The following PATJ variants were observed in gnomAD, a reference collection of about 807,000 sequenced individuals.
PATJ encodes the protein inaD-like protein.
In PATJ, 190 loss-of-function variants were observed where a neutral mutation model predicts 224.9. The ratio of observed to expected loss-of-function variants is 0.84; its 90% CI spans 0.75 to 0.95. PATJ has a LOEUF of 0.95. Ranked by LOEUF, PATJ falls within the 40% of genes least tolerant of loss-of-function variation. The pLI, the probability that PATJ is intolerant of heterozygous loss-of-function variation, is 0.00. For synonymous variants in PATJ, 769 were observed against 820.3 expected (o/e 0.94, Z 1.07); for missense variants, 2,121 against 2,270.3 (o/e 0.93, Z 1.34).
At chr1:61,930,008 G>A (rs1347546401) in intron 27 of PATJ, among the ~76,000 whole-genome samples, 2 of 152,180 alleles carry the variant, frequency 1.3e-5, no homozygotes, top group African/African-American at 4.8e-5. Context: ...GGGTCAGGAA[G>A]GAGGCTAATT....
At chr1:61,803,745 G>GT (rs780765973) in intron 12 of PATJ, among the ~76,000 whole-genome samples, 201 of 152,160 alleles carry the variant, frequency 1.3e-3, no homozygotes, top group Non-Finnish European at 2.3e-3. Context: ...ACTTCACTAC[G>GT]TTTTTTTCTT....
intron 41 of PATJ, among the ~76,000 whole-genome samples, chr1:62,139,122 C>T (rs566291417): frequency 3.4e-4 from 51 of 152,052 alleles, no homozygotes; most frequent in African/African-American, 1.1e-3. Flanking sequence ...GCAAACTGGC[C>T]GGGCACGGTG....
chr1:61,766,424 C>T lies in PATJ; in HGVS notation c.335C>T (p.Pro112Leu), dbSNP rs779407233. 8.7e-6 allele frequency: 14 copies of T among 1,609,376 alleles called. No homozygotes were observed. The Admixed American group carries it at 1.0e-4, about 12-fold the overall frequency. The change falls in exon 4 of 44, where the codon CCG (proline) becomes CTG (leucine). Residue 112 changes from proline to leucine, a missense_variant. Transcript: ENST00000642238. ...STVSGLFPWT[P>L]KLGNEDFNSV... ...GTATCTGGGTTATTTCCGTGGACCC[C>T]GAAGTTGGGAAATGAAGACTTTAAC...
At chr1:61,861,723 T>C (rs1664649925) in intron 19 of PATJ, 56 bp downstream of exon 19, 1 of 735,652 alleles carries the variant, frequency 1.4e-6, no homozygotes, top group East Asian at 2.9e-5. Flanking sequence ...AAAATTTCTA[T>C]GTAGAAAGAA....
At chr1:62,106,135 C>CGT (rs1558176269) in intron 33 of PATJ, among the ~76,000 whole-genome samples, 1 of 50,794 alleles carries the variant, frequency 2.0e-5, no homozygotes, top group African/African-American at 6.8e-5. Context: ...CACATATATA[C>CGT]ATGTGTATAT....
chr1:61,801,865 C>A, intron 12 of PATJ, 96 bp downstream of exon 12: 2 of 827,428 alleles, frequency 2.4e-6, no homozygotes, highest in Non-Finnish European at 1.7e-6. Context: ...ATCTTAGAGG[C>A]ATTTTGGAGA....
intron 33 of PATJ, among the ~76,000 whole-genome samples, chr1:62,101,311 T>C (rs1010991972): frequency 1.3e-5 from 2 of 149,068 alleles, no homozygotes; most frequent in African/African-American, 4.9e-5. Context: ...TCACCCAGGC[T>C]GGAGTGCAGT....
chr1:62,016,212 G>A (rs1413361033), intron 28 of PATJ, among the ~76,000 whole-genome samples: 2 of 152,156 alleles, frequency 1.3e-5, no homozygotes, highest in African/African-American at 4.8e-5. Context: ...CTTAGGAAAG[G>A]TGATGGAAGG....
intron 27 of PATJ, among the ~76,000 whole-genome samples, chr1:61,936,022 G>A (rs926503681): frequency 1.3e-5 from 2 of 151,882 alleles, no homozygotes; most frequent in African/African-American, 4.8e-5. Flanking sequence ...CAACTTTATT[G>A]AGATATAATT....
At chr1:61,948,400 A>G (rs1679092412) in intron 27 of PATJ, among the ~76,000 whole-genome samples, 1 of 152,230 alleles carries the variant, frequency 6.6e-6, no homozygotes, top group African/African-American at 2.4e-5. Context: ...AAAAGTGGGC[A>G]AAGGATATGG....
intron 29 of PATJ, among the ~76,000 whole-genome samples, chr1:62,032,602 A>G (rs1404476204): frequency 6.6e-6 from 1 of 152,206 alleles, no homozygotes; most frequent in African/African-American, 2.4e-5. Flanking sequence ...TGTGAGTTTC[A>G]TTTTTATAAC....
intron 14 of PATJ, among the ~76,000 whole-genome samples, chr1:61,821,480 G>A (rs531929014): frequency 2.0e-5 from 3 of 152,310 alleles, no homozygotes; most frequent in Admixed American, 2.0e-4. Context: ...TCCCTCATGT[G>A]CGTGTTGAGG....
intron 21 of PATJ, among the ~76,000 whole-genome samples, chr1:61,879,494 C>T (rs1462626587): frequency 2.0e-5 from 3 of 152,084 alleles, no homozygotes; most frequent in Admixed American, 1.3e-4. Flanking sequence ...CCTAACTGCC[C>T]ACTTCTAAGA....
At chr1:62,149,488 A>G (rs1014887171) in intron 42 of PATJ, among the ~76,000 whole-genome samples, 6 of 152,294 alleles carry the variant, frequency 3.9e-5, no homozygotes, top group Admixed American at 6.5e-5. Context: ...TCTTGAGGAA[A>G]GAATATTAAA....
chr1:62,052,967 C>T (rs1203558375), intron 31 of PATJ, among the ~76,000 whole-genome samples: 2 of 152,168 alleles, frequency 1.3e-5, no homozygotes, highest in Non-Finnish European at 2.9e-5. Context: ...TGTAGGTAGG[C>T]ATCCCCAATT....
chr1:61,953,100 A>G (rs1285137499), intron 27 of PATJ, among the ~76,000 whole-genome samples: 1 of 152,170 alleles, frequency 6.6e-6, no homozygotes, highest in Non-Finnish European at 1.5e-5. Context: ...GGTTCTTGCA[A>G]TCATTGCTAC....
chr1:61,782,132 A>G (rs887270542), intron 7 of PATJ, among the ~76,000 whole-genome samples: 2 of 152,238 alleles, frequency 1.3e-5, no homozygotes, highest in African/African-American at 4.8e-5. Flanking sequence ...GAATGGTGAG[A>G]ACCCTCACAG....
intron 9 of PATJ, among the ~76,000 whole-genome samples, chr1:61,794,955 C>T (rs1409889873): frequency 6.6e-6 from 1 of 151,868 alleles, no homozygotes; most frequent in African/African-American, 2.4e-5. Context: ...GCACTCCAGC[C>T]TGGGCGACAA....
chr1:62,072,294 T>C (rs1344439343), intron 31 of PATJ, among the ~76,000 whole-genome samples: 1 of 152,188 alleles, frequency 6.6e-6, no homozygotes, highest in African/African-American at 2.4e-5. Context: ...TGGTTTTTTT[T>C]GTTTTTGTTT....
Sources: allele counts gnomAD v4.1 joint callset (sites outside exome capture counted in the v4.1 genomes callset), GRCh38; gene constraint gnomAD v4.1.1; transcripts MANE v1.5; gene names NCBI Gene and HGNC (gene_info 2026-07-23, HGNC 2026-07-21).